R3HDML: variants seen among roughly 807,000 people sequenced by gnomAD.
R3HDML encodes peptidase inhibitor R3HDML.
R3HDML carries 21 observed loss-of-function variants against 24.2 expected under a neutral mutation model. The observed-to-expected ratio is 0.87, with a 90% confidence interval of 0.62 to 1.25. R3HDML has a LOEUF of 1.25. Among genes scored for constraint, R3HDML ranks in the 50% most tolerant of loss-of-function variants. The probability of loss-of-function intolerance (pLI) is 0.00; values close to 1 mark genes in which losing one functional copy is unlikely to be tolerated. For synonymous variants in R3HDML, 133 were observed against 131.5 expected (o/e 1.01, Z -0.08); for missense variants, 301 against 340.3 (o/e 0.88, Z 0.91).
At chr20:44,345,058 ATTCCTTACTGTT>A in intron 3 of R3HDML, 193 bp from the exon 4 acceptor site, 1 of 581,270 alleles carries the variant, frequency 1.7e-6, no homozygotes, top group Non-Finnish European at 3.1e-6. Context: ...TATAAAAATT[ATTCCTTACTGTT>A]GGTTGTAATA....
chr20:44,350,887 G>A lies in R3HDML; in HGVS notation c.*95G>A. 4 of 1,462,278 alleles carry A rather than the reference G, an allele frequency of 2.7e-6. No homozygotes were observed. Among genetic ancestry groups the A allele is most frequent in the Non-Finnish European group, 3.8e-6 (4 of 1,063,290 alleles). The allele number at this position is 1,462,278 out of a possible 1,614,324, so 90.6% of individuals were successfully genotyped here. On this transcript the variant is annotated 3_prime_UTR_variant, in exon 5 of 5. Transcript: ENST00000217043. ...TGGAGAAATAATTGTTTCTTTAAAG[G>A]ATATGAGTTAGAATCACCCCCTGTT...
intron 1 of R3HDML, 38 bp from the exon 2 acceptor site, chr20:44,341,158 A>G (rs3761184): frequency 0.18 from 273,908 of 1,537,372 alleles, 27,719 homozygotes; most frequent in East Asian, 0.39. Flanking sequence ...CGATGGTGGC[A>G]ATTCCCCTGG....
chr20:44,350,875 G>C lies in R3HDML; in HGVS notation c.*83G>C, dbSNP rs985880988. On this transcript the variant is annotated 3_prime_UTR_variant, in exon 5 of 5. Coordinates refer to ENST00000217043, the MANE Select transcript of R3HDML (RefSeq NM_178491.4). ...CAAAAAACTGGGTGGAGAAATAATTGTTTCTTTAAAGGATATGAGTTAGAA... is the reference window on the plus strand; with the variant it reads ...CAAAAAACTGGGTGGAGAAATAATTCTTTCTTTAAAGGATATGAGTTAGAA... 2 of 1,518,830 alleles carry C rather than the reference G, an allele frequency of 1.3e-6. No homozygotes were observed. The highest frequency in any genetic ancestry group is 1.4e-5 in the African/African-American group (1 of 71,522). The allele number at this position is 1,518,830 out of a possible 1,614,324, so 94.1% of individuals were successfully genotyped here. A position where few individuals can be genotyped will look rare whatever the true frequency, so the allele number is the denominator to read the frequency against.
rs140115114 is a variant in R3HDML, at chr20:44,344,256, G to A, written c.513+747G>A. Among the ~76,000 whole-genome samples the A allele has an allele frequency of 2.0e-3, 311 of 151,742 alleles. 1 individual carries two copies. The highest frequency in any genetic ancestry group is 7.2e-3 in the African/African-American group (297 of 41,396). ...AGATTGCACTACTGCACTCCAGCCT[G>A]GGCAACAGAACGAGACTCCGTCTCA... On this transcript the variant is annotated intron_variant, in intron 3 of 4. Coordinates refer to ENST00000217043, the MANE Select transcript of R3HDML (RefSeq NM_178491.4).
chr20:44,350,934 CT>C lies in R3HDML; in HGVS notation c.*144del. ...TGTTGAATTTTCCCTCCTAGATCCC[CT>C]TCTTAAATGTCCAACATGGGTCAAA... On this transcript the variant is annotated 3_prime_UTR_variant, in exon 5 of 5. Transcript: ENST00000217043. 2 of 911,090 alleles carry C rather than the reference CT, an allele frequency of 2.2e-6. No individual in the cohort carries two copies. Among genetic ancestry groups the C allele is most frequent in the Non-Finnish European group, 3.3e-6 (2 of 606,534 alleles). 56.4% of individuals were successfully genotyped at this position (911,090 alleles called of 1,614,324 possible). A position where few individuals can be genotyped will look rare whatever the true frequency, so the allele number is the denominator to read the frequency against.
At chr20:44,338,193 A>G (rs1326747997) in intron 1 of R3HDML, among the ~76,000 whole-genome samples, 1 of 152,204 alleles carries the variant, frequency 6.6e-6, no homozygotes, top group Non-Finnish European at 1.5e-5. Context: ...CTTTAGGGAA[A>G]GAGTTTGCCA....
intron 4 of R3HDML, among the ~76,000 whole-genome samples, chr20:44,349,915 C>T (rs1049184523): frequency 6.6e-6 from 1 of 151,940 alleles, no homozygotes; most frequent in Non-Finnish European, 1.5e-5. Context: ...ACTAAAAATA[C>T]AAAAATTAGC....
intron 1 of R3HDML, among the ~76,000 whole-genome samples, chr20:44,338,072 A>G (rs1206009738): frequency 6.6e-6 from 1 of 152,150 alleles, no homozygotes; most frequent in Non-Finnish European, 1.5e-5. Context: ...CTCTCACTCC[A>G]GCCCCCAAGA....
rs758865495 is a variant in R3HDML at position 44,345,370 on chromosome 20, T to C, written c.621T>C (p.Tyr207=). ...WHRAAYLVCN[Y]AIKGNWIGES... ...GGGCGGCATACCTGGTCTGCAACTA[T>C]GCCATTAAGTAAGTGCCTGCACCAA... The change falls in exon 4 of 5, where the codon TAT becomes TAC. Residue 207 remains tyrosine (Y), a synonymous_variant. Transcript: ENST00000217043. 6 of 1,612,586 alleles carry C rather than the reference T, an allele frequency of 3.7e-6. No homozygotes were observed. The South Asian group carries it at 6.6e-5, about 18-fold the overall frequency.
At chr20:44,340,697 G>T (rs1220412763) in intron 1 of R3HDML, among the ~76,000 whole-genome samples, 1 of 152,006 alleles carries the variant, frequency 6.6e-6, no homozygotes, top group Non-Finnish European at 1.5e-5. Context: ...GAGGTGGGAG[G>T]ATCGCCTCTC....
chr20:44,337,150 A>C lies in R3HDML; in HGVS notation c.-8A>C, dbSNP rs1164098092. On this transcript the variant is annotated 5_prime_UTR_variant, in exon 1 of 5. Transcript: ENST00000217043. This position sits in a 1 kb window ranked among gnomAD's most constrained non-coding sequence, Gnocchi z 4.7. Reference sequence around the variant, plus strand: ...CACAAGGCAGACCTGTGACTCCTCCATCCAGCTATGCCCCTGCTGCCCAGC... The same window carrying C: ...CACAAGGCAGACCTGTGACTCCTCCCTCCAGCTATGCCCCTGCTGCCCAGC... 2.5e-6 allele frequency: 4 copies of C among 1,609,948 alleles called. No individual in the cohort carries two copies. In the African/African-American group the frequency reaches 5.3e-5, roughly 21 times the overall value.
At position 44,337,962 on chromosome 20, in the gene R3HDML, C is replaced by T. The variant is rs2062762173; in HGVS notation, c.261+544C>T. ...CAAGCCCCTGGAGGCAGGCTTGGAG[C>T]AGTGGGGACAGGTACTGGGGAATCT... On this transcript the variant is annotated intron_variant, in intron 1 of 4. Transcript: ENST00000217043. The surrounding 1 kb of genome is among the most constrained non-coding windows in gnomAD (Gnocchi z 4.7). Among the ~76,000 whole-genome samples, 2 of 152,214 alleles carry T rather than the reference C, an allele frequency of 1.3e-5. No individual in the cohort carries two copies. The highest frequency in any genetic ancestry group is 2.4e-5 in the African/African-American group (1 of 41,448).
intron 3 of R3HDML, chr20:44,344,979 G>A: frequency 2.2e-6 from 1 of 449,906 alleles, no homozygotes; most frequent in Non-Finnish European, 4.0e-6. Context: ...AACATGATAA[G>A]GCTAGTGATT....
intron 3 of R3HDML, chr20:44,345,058 A>T: frequency 1.7e-6 from 1 of 581,270 alleles, no homozygotes; most frequent in South Asian, 2.0e-5. Flanking sequence ...TATAAAAATT[A>T]TTCCTTACTG....
At chr20:44,348,519 C>CCTTTCCTTTT in intron 4 of R3HDML, among the ~76,000 whole-genome samples, 1 of 143,304 alleles carries the variant, frequency 7.0e-6, no homozygotes, top group Non-Finnish European at 1.5e-5. Context: ...CCTTTCCTTT[C>CCTTTCCTTTT]TTTTCTTCTG....
At chr20:44,346,655 C>T (rs1034375529) in intron 4 of R3HDML, among the ~76,000 whole-genome samples, 6 of 152,266 alleles carry the variant, frequency 3.9e-5, no homozygotes, top group Non-Finnish European at 5.9e-5. Flanking sequence ...TCTAAGCTTA[C>T]GACAAGAAAA....
At chr20:44,344,347 C>A (rs1232919717) in intron 3 of R3HDML, among the ~76,000 whole-genome samples, 1 of 151,594 alleles carries the variant, frequency 6.6e-6, no homozygotes, top group African/African-American at 2.4e-5. Flanking sequence ...GAGGCTGAGG[C>A]AGGAGGATTG....
Position 44,337,456 on chromosome 20 carries a change from C to T in R3HDML, c.261+38C>T. Reference sequence around the variant, plus strand: ...ACCTGCCCCCCACCCCCCGCAGTGTCCCTTCCGGCAAACGCAGCCGGACTC... The same window carrying T: ...ACCTGCCCCCCACCCCCCGCAGTGTTCCTTCCGGCAAACGCAGCCGGACTC... On this transcript the variant is annotated intron_variant, in intron 1 of 4. Transcript: ENST00000217043. The surrounding 1 kb of genome is among the most constrained non-coding windows in gnomAD (Gnocchi z 4.7). 1 of 1,576,116 alleles carries T rather than the reference C, an allele frequency of 6.3e-7. No homozygotes were observed.
At chr20:44,345,588 G>A (rs948546527) in intron 4 of R3HDML, among the ~76,000 whole-genome samples, 2 of 151,938 alleles carry the variant, frequency 1.3e-5, no homozygotes, top group African/African-American at 4.8e-5. Context: ...CAGATCCCTT[G>A]AGCCCAGGAG....
Sources: allele counts gnomAD v4.1 joint callset (sites outside exome capture counted in the v4.1 genomes callset), GRCh38; gene constraint gnomAD v4.1.1; non-coding constraint Gnocchi (gnomAD v3.1); transcripts MANE v1.5; gene names NCBI Gene and HGNC (gene_info 2026-07-23, HGNC 2026-07-21).